CCDC102B: variants seen among roughly 807,000 people sequenced by gnomAD.
The protein encoded by CCDC102B is coiled-coil domain-containing protein 102B.
Under a neutral mutation model 57.4 loss-of-function variants are expected in CCDC102B, and 75 were observed. The observed-to-expected ratio is 1.31, with a 90% CI of 1.08 to 1.58. The LOEUF (loss-of-function observed/expected upper bound fraction) is 1.58, where lower values mean the gene tolerates loss of function less well. Ranked by LOEUF, CCDC102B falls within the 40% of genes most tolerant of loss-of-function variation. The pLI is 0.00. For synonymous variants in CCDC102B, 206 were observed against 201.9 expected (o/e 1.02, Z -0.17); for missense variants, 636 against 582.6 (o/e 1.09, Z -0.94).
At chr18:68,765,040 C>T (rs893530357) in intron 2 of CCDC102B, among the ~76,000 whole-genome samples, 3 of 35,354 alleles carry the variant, frequency 8.5e-5, no homozygotes, top group Non-Finnish European at 1.7e-4. Context: ...GAGTGAAACC[C>T]TCTCTTAAAT....
chr18:68,867,376 T>G (rs567366213), intron 4 of CCDC102B, among the ~76,000 whole-genome samples: 1 of 152,168 alleles, frequency 6.6e-6, no homozygotes. Flanking sequence ...GAAGCACTTA[T>G]TCTCTCTCCA....
chr18:68,911,614 T>G (rs565700795), intron 6 of CCDC102B, among the ~76,000 whole-genome samples: 21 of 147,718 alleles, frequency 1.4e-4, no homozygotes, highest in Non-Finnish European at 1.9e-4. Context: ...TAGCCGGGCG[T>G]GGTGGCGGGC....
chr18:68,978,046 G>A (rs1370351157), intron 6 of CCDC102B, among the ~76,000 whole-genome samples: 1 of 151,950 alleles, frequency 6.6e-6, no homozygotes, highest in African/African-American at 2.4e-5. Flanking sequence ...AACAACTCAA[G>A]CCTTACAGTC....
chr18:68,898,648 C>T (rs1053028753), intron 6 of CCDC102B, among the ~76,000 whole-genome samples: 3 of 152,066 alleles, frequency 2.0e-5, no homozygotes, highest in East Asian at 3.9e-4. Context: ...AACATTTATT[C>T]GTATTATTCT....
chr18:69,016,255 C>A (rs896160846), intron 7 of CCDC102B, among the ~76,000 whole-genome samples: 2 of 151,944 alleles, frequency 1.3e-5, no homozygotes, highest in African/African-American at 4.8e-5. Flanking sequence ...AAATATGATG[C>A]AAAACACCAG....
At chr18:68,762,609 A>G (rs190469934) in intron 2 of CCDC102B, among the ~76,000 whole-genome samples, 1 of 152,274 alleles carries the variant, frequency 6.6e-6, no homozygotes, top group African/African-American at 2.4e-5. Flanking sequence ...GAAAAGCCAG[A>G]AAGTAAAAAG....
chr18:68,783,878 T>C (rs1372243753), intron 2 of CCDC102B, among the ~76,000 whole-genome samples: 1 of 152,168 alleles, frequency 6.6e-6, no homozygotes, highest in East Asian at 1.9e-4. Flanking sequence ...GCTGATAACA[T>C]TTATGAGTGT....
Position 69,055,117 on chromosome 18 carries a change from C to T in CCDC102B, c.*980C>T. On this transcript the variant is annotated 3_prime_UTR_variant, in exon 8 of 8. Transcript: ENST00000360242. Reference sequence around the variant, plus strand: ...ACATACTGGTTTTACTCATCTCCCCCTCCATTGATTAGCCAAAAAAAAATG... The same window carrying T: ...ACATACTGGTTTTACTCATCTCCCCTTCCATTGATTAGCCAAAAAAAAATG... The T allele has an allele frequency of 1.0e-6, 1 of 983,772 alleles. No individual in the cohort carries two copies. The highest frequency in any genetic ancestry group is 1.2e-6 in the Non-Finnish European group (1 of 828,526). The allele number at this position is 983,772 out of a possible 1,614,324, so 60.9% of individuals were successfully genotyped here.
intron 5 of CCDC102B, among the ~76,000 whole-genome samples, chr18:68,887,158 T>A (rs2039917650): frequency 6.6e-6 from 1 of 152,118 alleles, no homozygotes; most frequent in African/African-American, 2.4e-5. Context: ...CTCCTTTATT[T>A]GACACTATAA....
At chr18:68,823,886 C>T (rs939767504) in intron 1 of CCDC102B, among the ~76,000 whole-genome samples, 2 of 151,884 alleles carry the variant, frequency 1.3e-5, no homozygotes, top group African/African-American at 4.8e-5. Flanking sequence ...GTCCTTCGCC[C>T]ACTTTTTAAT....
Position 68,838,796 on chromosome 18 carries a change from G to C in CCDC102B, c.697G>C (p.Gly233Arg). 1 of 1,613,996 alleles carries C rather than the reference G, an allele frequency of 6.2e-7. No individual in the cohort carries two copies. The highest frequency in any genetic ancestry group is 8.5e-7 in the Non-Finnish European group (1 of 1,179,960). The part of the protein sequence containing the change: ...GVDLFNNGGS[G>R]NGETKTGLRL... ...TGATTTATTCAACAATGGTGGTTCT[G>C]GAAACGGTGAAACGAAAACTGGGCT... The change falls in exon 3 of 8, where the codon GGA becomes CGA. Residue 233 changes from glycine to arginine, a missense_variant. By Grantham distance (125) the Gly-to-Arg change is moderately radical. Transcript: ENST00000360242.
At chr18:68,998,967 C>CACATAT (rs1466400026) in intron 6 of CCDC102B, among the ~76,000 whole-genome samples, 4 of 92,014 alleles carry the variant, frequency 4.3e-5, no homozygotes, top group African/African-American at 1.9e-4. Context: ...ACATAATCAT[C>CACATAT]ATATATATAT....
chr18:68,927,284 A>G (rs1316231873), intron 6 of CCDC102B, among the ~76,000 whole-genome samples: 4 of 152,154 alleles, frequency 2.6e-5, no homozygotes, highest in Admixed American at 2.0e-4. Context: ...CATATAACAC[A>G]TTCATAATGC....
chr18:68,827,814 T>C lies in CCDC102B; in HGVS notation c.-15-8935T>C, dbSNP rs182940206. Among the ~76,000 whole-genome samples the C allele has an allele frequency of 2.6e-5, 4 of 151,956 alleles. No individual in the cohort carries two copies. The East Asian group carries it at 7.7e-4, about 29-fold the overall frequency. ...CACTTCCTCAGATCATCAATTAAGA[T>C]TGCCATCTATCACAAATAAAATAAT... On this transcript the variant is annotated intron_variant, in intron 1 of 7. Transcript: ENST00000360242.
chr18:68,836,947 T>G lies in CCDC102B; in HGVS notation c.184T>G (p.Tyr62Asp). ...TGCTCACAATTTCTGTGCTCACTCA[T>G]ATAACACCAACAAATGGGATATTTG... ...HAAHNFCAHSYNTNKWDICEE... is the reference protein window; with the variant it reads ...HAAHNFCAHSDNTNKWDICEE... The change falls in exon 2 of 8, where the codon TAT becomes GAT. Residue 62 changes from tyrosine to aspartate, a missense_variant. Transcript: ENST00000360242. 1 of 1,614,102 alleles carries G rather than the reference T, an allele frequency of 6.2e-7. No individual in the cohort carries two copies. The highest frequency in any genetic ancestry group is 2.2e-5 in the East Asian group (1 of 44,864).
At chr18:68,971,569 C>G (rs1795638672) in intron 6 of CCDC102B, among the ~76,000 whole-genome samples, 1 of 151,966 alleles carries the variant, frequency 6.6e-6, no homozygotes, top group African/African-American at 2.4e-5. Context: ...ATTAATCTGC[C>G]CCTTTAGGTA....
intron 2 of CCDC102B, among the ~76,000 whole-genome samples, chr18:68,747,632 T>C (rs1326118270): frequency 6.6e-6 from 1 of 152,166 alleles, no homozygotes; most frequent in Non-Finnish European, 1.5e-5. Context: ...TCACCTTCTA[T>C]GACTGGTTTA....
intron 1 of CCDC102B, among the ~76,000 whole-genome samples, chr18:68,832,661 G>A (rs183898375): frequency 1.4e-4 from 17 of 118,502 alleles, no homozygotes; most frequent in South Asian, 4.0e-4. Flanking sequence ...CTCTCCCTTG[G>A]ATACCCTTAG....
At chr18:68,928,966 T>G (rs1488734822) in intron 6 of CCDC102B, among the ~76,000 whole-genome samples, 2 of 151,802 alleles carry the variant, frequency 1.3e-5, no homozygotes, top group Non-Finnish European at 2.9e-5. Context: ...GCAGAAAAGG[T>G]GTGCCTTTCT....
Sources: gnomAD v4.1 joint callset for allele counts (sites outside exome capture counted in the v4.1 genomes callset) on GRCh38, gnomAD v4.1.1 for gene constraint, MANE v1.5 for transcripts, NCBI Gene and HGNC (gene_info 2026-07-23, HGNC 2026-07-21) for gene names.